CLNK: variants seen among roughly 807,000 people sequenced by gnomAD.
CLNK encodes cytokine dependent hematopoietic cell linker.
A neutral mutation model predicts 68.6 loss-of-function variants in CLNK; 74 were observed. That is an observed-to-expected ratio of 1.08 (90% CI 0.89 to 1.31). The LOEUF (loss-of-function observed/expected upper bound fraction) is 1.31. Ranked by LOEUF, CLNK falls within the 50% of genes most tolerant of loss-of-function variation. The pLI is 0.00. For synonymous variants in CLNK, 198 were observed against 172.2 expected (o/e 1.15, Z -1.17); for missense variants, 553 against 515.3 (o/e 1.07, Z -0.71).
At chr4:10,548,390 T>C (rs2079879453) in intron 8 of CLNK, among the ~76,000 whole-genome samples, 1 of 152,220 alleles carries the variant, frequency 6.6e-6, no homozygotes. Flanking sequence ...GTTCCTTGTC[T>C]ATATTGAACA....
intron 2 of CLNK, among the ~76,000 whole-genome samples, chr4:10,608,220 T>C (rs1325668092): frequency 6.6e-6 from 1 of 152,252 alleles, no homozygotes; most frequent in Non-Finnish European, 1.5e-5. Context: ...AGTTATCATT[T>C]CAACTCTTCA....
At chr4:10,732,438 A>G in the CLNK span, among the ~76,000 whole-genome samples, 572 of 152,292 alleles carry the variant, frequency 3.8e-3, 6 homozygotes, top group African/African-American at 0.013. Flanking sequence ...ACAGGTTTTT[A>G]AGTAGGAGTG....
chr4:10,660,743 A>G (rs1427296368), intron 2 of CLNK, among the ~76,000 whole-genome samples: 1 of 152,202 alleles, frequency 6.6e-6, no homozygotes, highest in East Asian at 1.9e-4. Context: ...CTATCTTGAC[A>G]TCCTCTATTC....
intron 2 of CLNK, among the ~76,000 whole-genome samples, chr4:10,600,775 G>C (rs1200027482): frequency 6.6e-6 from 1 of 152,152 alleles, no homozygotes; most frequent in Non-Finnish European, 1.5e-5. Flanking sequence ...CTGATACCAG[G>C]GGAGTTCTGG....
At chr4:10,696,112 T>A in the CLNK span, among the ~76,000 whole-genome samples, 150 of 152,146 alleles carry the variant, frequency 9.9e-4, no homozygotes, top group Non-Finnish European at 1.8e-3. Context: ...CACCTCGGCC[T>A]CCCAAAGTGC....
upstream of CLNK, among the ~76,000 whole-genome samples, chr4:10,685,791 T>C (rs1439167464): frequency 2.0e-5 from 3 of 152,160 alleles, no homozygotes; most frequent in Non-Finnish European, 4.4e-5. Flanking sequence ...CTAATAACCA[T>C]GTAAGGAACA....
At position 10,535,239 on chromosome 4, in the gene CLNK, G is replaced by C. The variant is rs10461099; in HGVS notation, c.603-2956C>G. Among the ~76,000 whole-genome samples the C allele has an allele frequency of 7.5e-3, 1,130 of 150,218 alleles. 17 individuals are homozygous for C. Among genetic ancestry groups the C allele is most frequent in the East Asian group, 0.048 (243 of 5,098 alleles). On this transcript the variant is annotated intron_variant, in intron 11 of 18. Transcript: ENST00000226951. ...AGAAAGAAAGAAAGAAAGAAAGAAAGAAAGAAAGAAAGAAAGAAAGAAAGA... is the reference window on the plus strand; with the variant it reads ...AGAAAGAAAGAAAGAAAGAAAGAAACAAAGAAAGAAAGAAAGAAAGAAAGA...
At position 10,558,400 on chromosome 4, in the gene CLNK, A is replaced by T; in HGVS notation, c.445+7T>A. On this transcript the variant is annotated splice_region_variant and intron_variant, in intron 8 of 18. Coordinates refer to ENST00000226951, the MANE Select transcript of CLNK (RefSeq NM_052964.4). ...TACATTTTAAACTTCGATTAACATGACTTTACCTTTAATGTTTTGGCTTCT... is the reference window on the plus strand; with the variant it reads ...TACATTTTAAACTTCGATTAACATGTCTTTACCTTTAATGTTTTGGCTTCT... 3 of 1,613,374 alleles carry T rather than the reference A, an allele frequency of 1.9e-6. No homozygotes were observed. Among genetic ancestry groups the T allele is most frequent in the Non-Finnish European group, 2.5e-6 (3 of 1,179,378 alleles).
the CLNK span, among the ~76,000 whole-genome samples, chr4:10,727,298 G>T: frequency 6.6e-6 from 1 of 152,304 alleles, no homozygotes; most frequent in East Asian, 1.9e-4. Context: ...TGCAGGTGGG[G>T]CTCATACTGA....
chr4:10,730,050 T>A, the CLNK span, among the ~76,000 whole-genome samples: 2 of 152,180 alleles, frequency 1.3e-5, no homozygotes, highest in African/African-American at 4.8e-5. Context: ...AGTAGCACAA[T>A]GTGAGGTGAT....
chr4:10,698,181 C>T, the CLNK span, among the ~76,000 whole-genome samples: 3 of 152,086 alleles, frequency 2.0e-5, no homozygotes, highest in African/African-American at 7.2e-5. Flanking sequence ...TTGGAAGCCT[C>T]TGGTGGTGAG....
chr4:10,698,848 C>G, the CLNK span, among the ~76,000 whole-genome samples: 1 of 152,140 alleles, frequency 6.6e-6, no homozygotes, highest in Admixed American at 6.5e-5. Flanking sequence ...ATTGCTCTCC[C>G]TGCTGCAGGT....
rs564862958 is a variant in CLNK at position 10,589,489 on chromosome 4, T to C, written c.84-4534A>G. ...CCTCCGGGATTATGCACCCTGGGGC[T>C]CTCCGTGCGTCAATGCAAGCCAAGT... On this transcript the variant is annotated intron_variant, in intron 3 of 18. Coordinates refer to ENST00000226951, the MANE Select transcript of CLNK (RefSeq NM_052964.4). Among the ~76,000 whole-genome samples, 3 of 152,192 alleles carry C rather than the reference T, an allele frequency of 2.0e-5. No homozygotes were observed. The South Asian group carries it at 6.2e-4, about 32-fold the overall frequency.
the CLNK span, among the ~76,000 whole-genome samples, chr4:10,726,805 T>A: frequency 1.3e-5 from 2 of 152,240 alleles, no homozygotes; most frequent in African/African-American, 4.8e-5. Context: ...TCCCTCTTTG[T>A]GAGCTGCATC....
chr4:10,668,167 C>T (rs1221863863), intron 1 of CLNK, among the ~76,000 whole-genome samples: 1 of 152,196 alleles, frequency 6.6e-6, no homozygotes, highest in Non-Finnish European at 1.5e-5. Context: ...CAAACATAAA[C>T]TGAGCCTGGT....
chr4:10,599,670 C>T (rs1324552711), intron 2 of CLNK, among the ~76,000 whole-genome samples: 2 of 152,186 alleles, frequency 1.3e-5, no homozygotes, highest in Non-Finnish European at 2.9e-5. Context: ...GGTTTCCACA[C>T]CAGTAGCCTG....
chr4:10,489,297 C>T lies in CLNK; in HGVS notation c.*1170G>A, dbSNP rs1055293543. ...CCTCTACAGGGAATAATATCATGGCCTGTGCAACGTTACTGCAAGAATTAG... is the reference window on the plus strand; with the variant it reads ...CCTCTACAGGGAATAATATCATGGCTTGTGCAACGTTACTGCAAGAATTAG... On this transcript the variant is annotated 3_prime_UTR_variant, in exon 19 of 19. Transcript: ENST00000226951. 6 of 152,130 alleles carry T rather than the reference C, an allele frequency of 3.9e-5. No homozygotes were observed. The highest frequency in any genetic ancestry group is 7.3e-5 in the Non-Finnish European group (5 of 68,036). 9.4% of individuals were successfully genotyped at this position (152,130 alleles called of 1,614,324 possible).
At chr4:10,699,510 A>ATTT in the CLNK span, among the ~76,000 whole-genome samples, 90 of 19,476 alleles carry the variant, frequency 4.6e-3, 4 homozygotes, top group African/African-American at 0.011. Context: ...ATATATATAT[A>ATTT]TATTTTTTTT....
intron 8 of CLNK, among the ~76,000 whole-genome samples, chr4:10,551,221 A>G (rs1719437573): frequency 6.6e-6 from 1 of 152,194 alleles, no homozygotes; most frequent in African/African-American, 2.4e-5. Flanking sequence ...CTACTGTTCA[A>G]TTTGTGGTAA....
Sources: gnomAD v4.1 joint callset for allele counts (sites outside exome capture counted in the v4.1 genomes callset) on GRCh38, gnomAD v4.1.1 for gene constraint, MANE v1.5 for transcripts, NCBI Gene and HGNC (gene_info 2026-07-23, HGNC 2026-07-21) for gene names.